The following EXOC4 variants were observed in gnomAD, a reference collection of about 807,000 sequenced individuals.
EXOC4 encodes the protein exocyst complex component 4.
A neutral mutation model predicts 107.2 loss-of-function variants in EXOC4; 71 were observed. That is an observed-to-expected ratio of 0.66 (90% confidence interval 0.55 to 0.81). EXOC4 has a LOEUF of 0.81. Ranked by LOEUF, EXOC4 falls within the 30% of genes least tolerant of loss-of-function variation. EXOC4 has a pLI of 0.00. For synonymous variants in EXOC4, 456 were observed against 441.2 expected (o/e 1.03, Z -0.42); for missense variants, 1,108 against 1,189.6 (o/e 0.93, Z 1.01).
At chr7:133,268,755 A>G (rs929807736) in intron 1 of EXOC4, among the ~76,000 whole-genome samples, 2 of 152,198 alleles carry the variant, frequency 1.3e-5, no homozygotes, top group Non-Finnish European at 2.9e-5. Flanking sequence ...CTAGAACTTA[A>G]TAACATATTT....
At chr7:133,355,344 T>A (rs1451351744) in intron 5 of EXOC4, among the ~76,000 whole-genome samples, 1 of 152,158 alleles carries the variant, frequency 6.6e-6, no homozygotes, top group Admixed American at 6.5e-5. Flanking sequence ...TCACTTTTGC[T>A]TTTGTATATC....
At chr7:133,950,876 A>C (rs530700537) in intron 14 of EXOC4, among the ~76,000 whole-genome samples, 1 of 152,328 alleles carries the variant, frequency 6.6e-6, no homozygotes, top group Admixed American at 6.5e-5. Context: ...GTGACTAAAA[A>C]TCCACCATCT....
chr7:133,515,609 T>C (rs1799860347), intron 9 of EXOC4, among the ~76,000 whole-genome samples: 1 of 152,028 alleles, frequency 6.6e-6, no homozygotes, highest in Non-Finnish European at 1.5e-5. Flanking sequence ...GCTGGGTCTG[T>C]AGGCAAGAGC....
At chr7:133,781,010 C>G (rs979883185) in intron 10 of EXOC4, among the ~76,000 whole-genome samples, 2 of 152,180 alleles carry the variant, frequency 1.3e-5, no homozygotes, top group African/African-American at 4.8e-5. Flanking sequence ...TTTTATTAGC[C>G]TTTGGAAGCA....
chr7:133,622,532 A>G (rs1802359509), intron 9 of EXOC4, among the ~76,000 whole-genome samples: 1 of 152,126 alleles, frequency 6.6e-6, no homozygotes, highest in African/African-American at 2.4e-5. Context: ...CTGGAACTGT[A>G]TTAGAGAGGA....
chr7:133,300,101 G>A (rs1794610255), intron 3 of EXOC4, among the ~76,000 whole-genome samples: 1 of 152,104 alleles, frequency 6.6e-6, no homozygotes, highest in African/African-American at 2.4e-5. Flanking sequence ...TTTCCTAAGG[G>A]AGATAGGGCA....
At chr7:134,025,174 G>A (rs1227461799) in intron 17 of EXOC4, among the ~76,000 whole-genome samples, 2 of 151,978 alleles carry the variant, frequency 1.3e-5, no homozygotes, top group Admixed American at 6.6e-5. Context: ...AGTAATAATT[G>A]TTAATCTTAG....
rs1197485156 is a variant in EXOC4, at chr7:133,569,749, T to C, written c.1418-60296T>C. Among the ~76,000 whole-genome samples the C allele has an allele frequency of 2.0e-5, 3 of 152,338 alleles. No individual in the cohort carries two copies. The East Asian group carries it at 5.8e-4, about 29-fold the overall frequency. On this transcript the variant is annotated intron_variant, in intron 9 of 17. Transcript: ENST00000253861. ...AACTATCCTTCAAATTTTGACAGTC[T>C]TTTGCCTTTCATTCATGAAGATGAA...
intron 1 of EXOC4, among the ~76,000 whole-genome samples, chr7:133,270,083 G>T (rs927396756): frequency 1.3e-5 from 2 of 152,112 alleles, no homozygotes; most frequent in South Asian, 4.2e-4. Flanking sequence ...CACTGTTCTC[G>T]TGATAGTGAA....
intron 1 of EXOC4, among the ~76,000 whole-genome samples, chr7:133,265,179 T>C (rs1466746235): frequency 1.3e-5 from 2 of 152,166 alleles, no homozygotes; most frequent in Non-Finnish European, 2.9e-5. Flanking sequence ...AATTACCTTT[T>C]TTTCCATCTC....
At chr7:133,505,236 GAAAA>G (rs1361052016) in intron 9 of EXOC4, among the ~76,000 whole-genome samples, 2 of 151,986 alleles carry the variant, frequency 1.3e-5, no homozygotes, top group Non-Finnish European at 2.9e-5. Flanking sequence ...TCTGCTTTTT[GAAAA>G]ACACATTTAA....
chr7:134,060,626 A>G (rs931038536), intron 17 of EXOC4, among the ~76,000 whole-genome samples: 1 of 152,172 alleles, frequency 6.6e-6, no homozygotes, highest in Non-Finnish European at 1.5e-5. Context: ...TTTCAGTCTG[A>G]CAGTGTTTAT....
intron 7 of EXOC4, among the ~76,000 whole-genome samples, chr7:133,404,874 C>G (rs905169741): frequency 6.7e-5 from 5 of 74,760 alleles, no homozygotes; most frequent in African/African-American, 2.9e-4. Flanking sequence ...CCCCTGCGCC[C>G]CCCCCCCCAA....
At chr7:133,554,629 C>A (rs1224575782) in intron 9 of EXOC4, among the ~76,000 whole-genome samples, 1 of 152,098 alleles carries the variant, frequency 6.6e-6, no homozygotes, top group Non-Finnish European at 1.5e-5. Context: ...TTATTTGAAA[C>A]CTGTCCTTTC....
chr7:133,529,940 A>C (rs1584980450), intron 9 of EXOC4, among the ~76,000 whole-genome samples: 1 of 152,116 alleles, frequency 6.6e-6, no homozygotes, highest in Non-Finnish European at 1.5e-5. Flanking sequence ...CCTCTCCACT[A>C]ATGTATATTG....
chr7:133,424,423 C>T (rs1235117967), intron 7 of EXOC4, among the ~76,000 whole-genome samples: 1 of 152,028 alleles, frequency 6.6e-6, no homozygotes, highest in Non-Finnish European at 1.5e-5. Flanking sequence ...GTCAGCGAGA[C>T]CACGAACCCA....
At chr7:133,426,270 T>A (rs1341828796) in intron 7 of EXOC4, among the ~76,000 whole-genome samples, 1 of 152,198 alleles carries the variant, frequency 6.6e-6, no homozygotes, top group Non-Finnish European at 1.5e-5. Flanking sequence ...TATGTGTCTG[T>A]AATTGCCACA....
At chr7:133,794,966 C>T (rs1323822121) in intron 10 of EXOC4, among the ~76,000 whole-genome samples, 4 of 151,680 alleles carry the variant, frequency 2.6e-5, no homozygotes, top group Admixed American at 6.6e-5. Flanking sequence ...CAACAGGCCC[C>T]GGTGTGTGAT....
At chr7:133,404,589 A>G (rs925502939) in intron 7 of EXOC4, among the ~76,000 whole-genome samples, 3 of 151,842 alleles carry the variant, frequency 2.0e-5, no homozygotes, top group African/African-American at 4.8e-5. Context: ...TGCTGTGCAC[A>G]TTTCTTTCTT....
Sources: gnomAD v4.1 joint callset for allele counts (sites outside exome capture counted in the v4.1 genomes callset) on GRCh38, gnomAD v4.1.1 for gene constraint, MANE v1.5 for transcripts, NCBI Gene and HGNC (gene_info 2026-07-23, HGNC 2026-07-21) for gene names.